GUCY1B1: variants seen among roughly 807,000 people sequenced by gnomAD.
GUCY1B1 encodes the protein guanylate cyclase soluble subunit beta-1.
Under a neutral mutation model 71.0 loss-of-function variants are expected in GUCY1B1, and 43 were observed. The observed-to-expected ratio is 0.61, with a 90% CI of 0.47 to 0.78. The LOEUF (loss-of-function observed/expected upper bound fraction) is 0.78. Among genes scored for constraint, GUCY1B1 ranks in the 30% least tolerant of loss-of-function variants. GUCY1B1 has a pLI of 0.00. For missense variants in GUCY1B1, 535 were observed against 754.1 expected (o/e 0.71, Z 3.40); for synonymous variants, 266 against 259.7 (o/e 1.02, Z -0.23).
At chr4:155,776,064 A>C (rs1019534934) in intron 3 of GUCY1B1, among the ~76,000 whole-genome samples, 23 of 152,224 alleles carry the variant, frequency 1.5e-4, no homozygotes, top group Admixed American at 3.9e-4. Flanking sequence ...ACAAACATGA[A>C]ATAACTTTTT....
intron 5 of GUCY1B1, among the ~76,000 whole-genome samples, chr4:155,791,728 T>G (rs921387960): frequency 1.7e-5 from 2 of 119,426 alleles, no homozygotes; most frequent in African/African-American, 3.5e-5. Flanking sequence ...GAGACTCCAT[T>G]ATCAAAAAAA....
chr4:155,792,537 C>G (rs1739250634), intron 5 of GUCY1B1, among the ~76,000 whole-genome samples: 1 of 151,416 alleles, frequency 6.6e-6, no homozygotes, highest in South Asian at 2.1e-4. Context: ...TAGTAACATC[C>G]CAGTTTTGCT....
chr4:155,765,973 G>A (rs1737306228), intron 2 of GUCY1B1, among the ~76,000 whole-genome samples: 1 of 152,118 alleles, frequency 6.6e-6, no homozygotes, highest in South Asian at 2.1e-4. Context: ...TGTAATGCAA[G>A]AGTTTGTACT....
rs372203764 is a variant in GUCY1B1, at chr4:155,795,777, A to AT, written c.843+331dup. On this transcript the variant is annotated intron_variant, in intron 7 of 13. Transcript: ENST00000264424. The stretch of plus-strand genomic sequence containing the variant: ...ATTTTAGAAATCAGAACTAAAAAGG[A>AT]TTTTTTTTTTTGGAACTTCACTCAA... Among the ~76,000 whole-genome samples the AT allele has an allele frequency of 1.4e-3, 201 of 146,594 alleles. 3 individuals are homozygous for AT. In the South Asian group the frequency reaches 0.025, roughly 18 times the overall value.
intron 8 of GUCY1B1, among the ~76,000 whole-genome samples, chr4:155,799,666 T>C (rs1327549397): frequency 1.3e-5 from 2 of 152,202 alleles, no homozygotes; most frequent in Non-Finnish European, 2.9e-5. Flanking sequence ...CTGGCAAAAA[T>C]GCATCTCAAG....
intron 2 of GUCY1B1, chr4:155,772,853 A>C (rs1009850732): frequency 1.9e-5 from 13 of 696,962 alleles, no homozygotes; most frequent in Non-Finnish European, 3.4e-5. Flanking sequence ...GTTATGAATA[A>C]ATGCAGGCAA....
chr4:155,803,029 A>C (rs1283940691), intron 10 of GUCY1B1, among the ~76,000 whole-genome samples: 1 of 152,200 alleles, frequency 6.6e-6, no homozygotes, highest in Non-Finnish European at 1.5e-5. Context: ...AACATTTATA[A>C]GGCGTTTTTG....
At chr4:155,782,523 C>T (rs1006981813) in intron 4 of GUCY1B1, among the ~76,000 whole-genome samples, 4 of 152,178 alleles carry the variant, frequency 2.6e-5, no homozygotes, top group Non-Finnish European at 5.9e-5. Context: ...CCTTAATCCA[C>T]GCTCACCTCT....
At position 155,759,077 on chromosome 4, in the gene GUCY1B1, G is replaced by T; in HGVS notation, c.-64G>T. The T allele has an allele frequency of 6.4e-7, 1 of 1,551,492 alleles. No individual in the cohort carries two copies. The highest frequency in any genetic ancestry group is 8.8e-7 in the Non-Finnish European group (1 of 1,142,556). On this transcript the variant is annotated 5_prime_UTR_variant, in exon 1 of 14. Transcript: ENST00000264424. ...TTGCGCTGTAGCCGCTGCCGCCTCT[G>T]CCTGGGTCCCTTCGGCCGTACCTCT...
intron 2 of GUCY1B1, among the ~76,000 whole-genome samples, chr4:155,770,596 C>T (rs1403360785): frequency 1.3e-5 from 2 of 152,140 alleles, no homozygotes; most frequent in Non-Finnish European, 2.9e-5. Flanking sequence ...TATTAAACTG[C>T]TTCATACTAA....
chr4:155,761,050 T>G (rs28483593), intron 2 of GUCY1B1, among the ~76,000 whole-genome samples: 1 of 152,226 alleles, frequency 6.6e-6, no homozygotes, highest in Non-Finnish European at 1.5e-5. Flanking sequence ...CCCCTGGATC[T>G]GTATCACTGA....
chr4:155,781,217 G>GT (rs1338579941), intron 4 of GUCY1B1, among the ~76,000 whole-genome samples: 1 of 152,112 alleles, frequency 6.6e-6, no homozygotes, highest in Non-Finnish European at 1.5e-5. Context: ...TAATTCTGAA[G>GT]TATATGTGTC....
chr4:155,771,382 T>C (rs1329123244), intron 2 of GUCY1B1, among the ~76,000 whole-genome samples: 7 of 152,156 alleles, frequency 4.6e-5, no homozygotes, highest in African/African-American at 9.7e-5. Flanking sequence ...TCTGAGGAAA[T>C]GGCTGTTCCC....
intron 2 of GUCY1B1, 21 bp from the exon 3 acceptor site, chr4:155,774,947 T>C: frequency 7.9e-7 from 1 of 1,261,466 alleles, no homozygotes; most frequent in Non-Finnish European, 1.2e-6. Context: ...CTCTTCTGTC[T>C]TTCTTGTTTT....
chr4:155,804,836 A>G, intron 12 of GUCY1B1, 89 bp downstream of exon 12: 2 of 1,200,358 alleles, frequency 1.7e-6, no homozygotes, highest in Non-Finnish European at 2.4e-6. Flanking sequence ...TTGTTGCTTT[A>G]ACAGAGTTAT....
intron 4 of GUCY1B1, among the ~76,000 whole-genome samples, chr4:155,787,035 A>T (rs1427067984): frequency 6.6e-6 from 1 of 152,046 alleles, no homozygotes; most frequent in Non-Finnish European, 1.5e-5. Context: ...AAACTCTCTC[A>T]GTGATTTTTT....
At chr4:155,790,090 G>T (rs990755987) in intron 5 of GUCY1B1, among the ~76,000 whole-genome samples, 179 bp downstream of exon 5, 1 of 152,104 alleles carries the variant, frequency 6.6e-6, no homozygotes, top group Admixed American at 6.5e-5. Context: ...CATTATACAG[G>T]ATATTTTTTT....
Position 155,802,374 on chromosome 4 carries a change from C to T in GUCY1B1, c.1208C>T (p.Ala403Val). ...LLYSVLPPSV[A>V]NELRHKRPVP... ...TATTCTGTCCTTCCTCCGTCTGTTGCCAATGAGCTGCGGCACAAGCGTCCA... is the reference window on the plus strand; with the variant it reads ...TATTCTGTCCTTCCTCCGTCTGTTGTCAATGAGCTGCGGCACAAGCGTCCA... The change falls in exon 10 of 14, where the codon GCC (alanine) becomes GTC (valine). Residue 403 changes from alanine (A) to valine (V), a missense_variant. Coordinates refer to ENST00000264424, the MANE Select transcript of GUCY1B1 (RefSeq NM_000857.5). This position sits in a 1 kb window ranked among gnomAD's most constrained non-coding sequence, Gnocchi z 4.3. 1 of 1,613,716 alleles carries T rather than the reference C, an allele frequency of 6.2e-7. No homozygotes were observed. Among genetic ancestry groups the T allele is most frequent in the South Asian group, 1.1e-5 (1 of 91,074 alleles).
At chr4:155,797,612 C>T (rs893270675) in intron 8 of GUCY1B1, among the ~76,000 whole-genome samples, 6 of 151,540 alleles carry the variant, frequency 4.0e-5, no homozygotes, top group Admixed American at 1.3e-4. Context: ...GTGGTGGGCA[C>T]CTGTAATTGC....
Sources: allele counts gnomAD v4.1 joint callset (sites outside exome capture counted in the v4.1 genomes callset), GRCh38; gene constraint gnomAD v4.1.1; non-coding constraint Gnocchi (gnomAD v3.1); transcripts MANE v1.5; gene names NCBI Gene and HGNC (gene_info 2026-07-23, HGNC 2026-07-21).